DOCK9: variants seen among roughly 807,000 people sequenced by gnomAD.
The protein encoded by DOCK9 is dedicator of cytokinesis 9, also known as dedicator of cytokinesis protein 9.
DOCK9 carries 89 observed loss-of-function variants against 263.3 expected under a neutral mutation model. The ratio of observed to expected loss-of-function variants is 0.34; its 90% CI spans 0.28 to 0.40. The LOEUF is 0.40. Ranked by LOEUF, DOCK9 falls within the 10% of genes least tolerant of loss-of-function variation. The pLI, the probability that DOCK9 is intolerant of heterozygous loss-of-function variation, is 1.00. For synonymous variants in DOCK9, 976 were observed against 973.1 expected, an observed-to-expected ratio of 1.00 and a Z score of -0.06; for missense variants, 2,140 against 2,603.4, an observed-to-expected ratio of 0.82 and a Z score of 3.87.
At chr13:99,054,748 T>G (rs889701686) in intron 1 of DOCK9, among the ~76,000 whole-genome samples, 1 of 152,216 alleles carries the variant, frequency 6.6e-6, no homozygotes, top group African/African-American at 2.4e-5. Context: ...TACGCCAGTA[T>G]CACCAGCAAA....
At chr13:99,063,923 C>T (rs1185993244) in intron 1 of DOCK9, among the ~76,000 whole-genome samples, 1 of 152,140 alleles carries the variant, frequency 6.6e-6, no homozygotes, top group African/African-American at 2.4e-5. Context: ...CGCTGAGGAG[C>T]ACTCCCTCCC....
intron 47 of DOCK9, 68 bp from the exon 48 acceptor site, chr13:98,807,875 T>C (rs1166739946): frequency 3.8e-6 from 5 of 1,318,046 alleles, no homozygotes; most frequent in Non-Finnish European, 5.0e-6. Flanking sequence ...TAGGAAGCGT[T>C]CTTTTATTAC....
At chr13:98,887,141 A>ATTTTTT (rs1335567169) in intron 18 of DOCK9, among the ~76,000 whole-genome samples, 4 of 59,618 alleles carry the variant, frequency 6.7e-5, no homozygotes, top group Admixed American at 2.1e-4. Context: ...ATATATATAT[A>ATTTTTT]TATTTTTTTT....
intron 45 of DOCK9, among the ~76,000 whole-genome samples, chr13:98,823,377 G>A (rs951713913): frequency 6.6e-6 from 1 of 152,202 alleles, no homozygotes; most frequent in Non-Finnish European, 1.5e-5. Flanking sequence ...CCTAGCTCAT[G>A]TCATGAGGAT....
intron 28 of DOCK9, 109 bp downstream of exon 28, chr13:98,868,122 C>G: frequency 6.5e-7 from 1 of 1,530,366 alleles, no homozygotes. Context: ...AAAAAACATG[C>G]CATCAACATT....
intron 1 of DOCK9, among the ~76,000 whole-genome samples, chr13:99,047,711 C>T (rs1019992687): frequency 2.1e-4 from 32 of 151,546 alleles, no homozygotes; most frequent in African/African-American, 7.3e-4. Context: ...TTAGTAGAGA[C>T]GGGGTTTCAC....
At chr13:98,975,850 C>T (rs1409394920) in intron 1 of DOCK9, among the ~76,000 whole-genome samples, 3 of 152,188 alleles carry the variant, frequency 2.0e-5, no homozygotes, top group Admixed American at 6.5e-5. Context: ...TTACCAAGCC[C>T]GTGGGCCACT....
At chr13:98,880,097 G>T in intron 26 of DOCK9, 128 bp from the exon 27 acceptor site, 1 of 670,246 alleles carries the variant, frequency 1.5e-6, no homozygotes, top group Non-Finnish European at 2.5e-6. Context: ...GCACCTCTTG[G>T]CACATTATGA....
At chr13:98,897,016 T>C (rs190761192) in intron 15 of DOCK9, among the ~76,000 whole-genome samples, 14 of 152,280 alleles carry the variant, frequency 9.2e-5, no homozygotes, top group African/African-American at 3.4e-4. Flanking sequence ...AGTGGAGCAA[T>C]GCTGCCACAA....
chr13:98,961,632 C>T (rs1003731430), intron 1 of DOCK9, among the ~76,000 whole-genome samples: 4 of 152,072 alleles, frequency 2.6e-5, no homozygotes, highest in East Asian at 1.9e-4. Context: ...TGACAGTCCT[C>T]GGCTTGCTGT....
Position 98,906,150 on chromosome 13 carries a change from A to G in DOCK9, c.961-1444T>C, listed in dbSNP as rs2049055202. Among the ~76,000 whole-genome samples the G allele has an allele frequency of 2.6e-5, 4 of 152,220 alleles. No individual in the cohort carries two copies. The South Asian group carries it at 6.2e-4, about 24-fold the overall frequency. Reference sequence around the variant, plus strand: ...GCCTGTGGAATTTCCAACTGGAAACATCCAATAGACAGCTAAAGGGATGAA... The same window carrying G: ...GCCTGTGGAATTTCCAACTGGAAACGTCCAATAGACAGCTAAAGGGATGAA... On this transcript the variant is annotated intron_variant, in intron 9 of 52. Coordinates refer to ENST00000682017, the MANE Select transcript of DOCK9 (RefSeq NM_001366683.2).
chr13:98,888,493 G>C lies in DOCK9; in HGVS notation c.1844C>G (p.Thr615Ser). ...TTCCTCCACTTCAAACGTGATGGGAGTTTTACTGCAGGTTTCAAATTGTTT... is the reference window on the plus strand; with the variant it reads ...TTCCTCCACTTCAAACGTGATGGGACTTTTACTGCAGGTTTCAAATTGTTT... ...PTKQFETCSK[T>S]PITFEVEEFV... Residue 615 changes from threonine to serine, a missense_variant, in exon 17 of 53, where the codon ACT becomes AGT. By Grantham distance (58) the Thr-to-Ser change is moderately conservative (BLOSUM62 1). This residue lies in a region of DOCK9 where 1,521 missense variants were observed against 1,741.7 expected (regional missense o/e 0.87). Transcript: ENST00000682017. The C allele has an allele frequency of 1.2e-6, 2 of 1,613,960 alleles. No individual in the cohort carries two copies. The highest frequency in any genetic ancestry group is 8.5e-7 in the Non-Finnish European group (1 of 1,179,872).
chr13:99,081,298 G>A (rs569798024), intron 1 of DOCK9, among the ~76,000 whole-genome samples: 187 of 152,254 alleles, frequency 1.2e-3, no homozygotes, highest in African/African-American at 4.4e-3. Context: ...CTGAATAAAC[G>A]GGGCAGTGAG....
At chr13:98,874,680 T>C (rs1272635953) in intron 27 of DOCK9, among the ~76,000 whole-genome samples, 1 of 152,184 alleles carries the variant, frequency 6.6e-6, no homozygotes, top group Admixed American at 6.5e-5. Flanking sequence ...GCTAAACAAA[T>C]AAATAAATCA....
At chr13:98,954,136 G>A (rs2140956575) in intron 2 of DOCK9, among the ~76,000 whole-genome samples, 1 of 152,272 alleles carries the variant, frequency 6.6e-6, no homozygotes. Context: ...GGGATTAGAA[G>A]GCGTGGGGAG....
intron 2 of DOCK9, among the ~76,000 whole-genome samples, chr13:98,940,032 G>A (rs548645297): frequency 4.6e-5 from 7 of 152,320 alleles, no homozygotes; most frequent in South Asian, 2.1e-4. Flanking sequence ...CTTACTGAGT[G>A]CAGAGGTGAT....
chr13:98,978,223 T>C, upstream of DOCK9: 1 of 732,306 alleles, frequency 1.4e-6, no homozygotes, highest in Non-Finnish European at 1.9e-6. Flanking sequence ...TTATTGTGTC[T>C]GTTCCACACA....
chr13:98,800,157 T>C, intron 50 of DOCK9, 131 bp downstream of exon 50: 9 of 968,486 alleles, frequency 9.3e-6, no homozygotes, highest in Non-Finnish European at 1.3e-5. Context: ...TCACAGACGT[T>C]GGGGGAAGGG....
intron 1 of DOCK9, among the ~76,000 whole-genome samples, chr13:99,069,872 C>T (rs1596032118): frequency 2.6e-5 from 4 of 152,270 alleles, no homozygotes; most frequent in Admixed American, 2.6e-4. Flanking sequence ...TGCCATCTTG[C>T]CAGGAAAAGG....
Sources: gnomAD v4.1 joint callset for allele counts (sites outside exome capture counted in the v4.1 genomes callset) on GRCh38, gnomAD v4.1.1 for gene constraint, gnomAD v4.1.1 regional missense constraint, MANE v1.5 for transcripts, NCBI Gene and HGNC (gene_info 2026-07-23, HGNC 2026-07-21) for gene names.